Variants in ACP3 observed in about 807,000 individuals in gnomAD.
The protein encoded by ACP3 is prostatic acid phosphatase.
Under a neutral mutation model 45.6 loss-of-function variants are expected in ACP3, and 38 were observed. That is an observed-to-expected ratio of 0.83 (90% CI 0.64 to 1.09). ACP3 has a LOEUF of 1.09. Ranked by LOEUF, ACP3 falls within the 50% of genes least tolerant of loss-of-function variation. ACP3 has a pLI of 0.00. For missense variants in ACP3, 466 were observed against 463.2 expected (o/e 1.01, Z -0.05); for synonymous variants, 162 against 164.7 (o/e 0.98, Z 0.13).
At chr3:132,337,063 G>T (rs988464530) in intron 4 of ACP3, among the ~76,000 whole-genome samples, 8 of 144,996 alleles carry the variant, frequency 5.5e-5, no homozygotes, top group African/African-American at 1.0e-4. Flanking sequence ...CATGCGTTGG[G>T]GTGTGTGTGT....
intron 7 of ACP3, among the ~76,000 whole-genome samples, chr3:132,348,241 G>A (rs1000006397): frequency 6.6e-6 from 1 of 152,136 alleles, no homozygotes; most frequent in Non-Finnish European, 1.5e-5. Context: ...AGTTTACGAA[G>A]ATTTAATAAA....
At chr3:132,340,682 G>A (rs1245014828) in intron 5 of ACP3, among the ~76,000 whole-genome samples, 1 of 151,952 alleles carries the variant, frequency 6.6e-6, no homozygotes, top group Non-Finnish European at 1.5e-5. Flanking sequence ...ACTTATTGAA[G>A]CTATTATATA....
At chr3:132,345,398 A>T (rs986303381) in intron 7 of ACP3, among the ~76,000 whole-genome samples, 2 of 152,324 alleles carry the variant, frequency 1.3e-5, no homozygotes, top group Admixed American at 1.3e-4. Flanking sequence ...GATCCTTTCC[A>T]TCCCCTCCAG....
chr3:132,331,217 C>T (rs1367380401), intron 2 of ACP3, among the ~76,000 whole-genome samples: 1 of 152,158 alleles, frequency 6.6e-6, no homozygotes, highest in East Asian at 1.9e-4. Flanking sequence ...AAGCATTGCC[C>T]ACAGAGGTTG....
At chr3:132,330,125 GC>G (rs1189236580) in intron 2 of ACP3, among the ~76,000 whole-genome samples, 3 of 151,892 alleles carry the variant, frequency 2.0e-5, no homozygotes, top group Non-Finnish European at 2.9e-5. Flanking sequence ...TCGCCATGTT[GC>G]CAAGGCTGGT....
chr3:132,333,964 A>G (rs73001165), intron 4 of ACP3, among the ~76,000 whole-genome samples: 9,361 of 152,152 alleles, frequency 0.062, 907 homozygotes, highest in African/African-American at 0.21. Flanking sequence ...CCAGCTACTC[A>G]GGAGGCTGAG....
intron 9 of ACP3, among the ~76,000 whole-genome samples, chr3:132,355,732 G>T (rs1487113065): frequency 6.6e-6 from 1 of 152,106 alleles, no homozygotes; most frequent in Admixed American, 6.6e-5. Context: ...TAGCCAGGAT[G>T]GTCTCGATCT....
chr3:132,330,179 C>G (rs900860708), intron 2 of ACP3, among the ~76,000 whole-genome samples: 2 of 152,032 alleles, frequency 1.3e-5, no homozygotes, highest in Non-Finnish European at 2.9e-5. Context: ...CTTGGCCTCC[C>G]AAAGTGCTAG....
chr3:132,335,986 C>T (rs570466193), intron 4 of ACP3, among the ~76,000 whole-genome samples: 21 of 152,154 alleles, frequency 1.4e-4, no homozygotes, highest in South Asian at 2.1e-4. Flanking sequence ...ATAGGCCGGG[C>T]GCGGTGGCTC....
intron 1 of ACP3, among the ~76,000 whole-genome samples, chr3:132,324,079 G>A (rs1332736365): frequency 1.3e-5 from 2 of 152,090 alleles, no homozygotes; most frequent in African/African-American, 2.4e-5. Flanking sequence ...TTAGCCAGGC[G>A]TGGTGGCAGG....
intron 1 of ACP3, among the ~76,000 whole-genome samples, chr3:132,320,028 T>C (rs1937176978): frequency 1.5e-5 from 2 of 136,804 alleles, no homozygotes; most frequent in African/African-American, 4.9e-5. Flanking sequence ...GACAAGTTGT[T>C]AACAGGTGTA....
chr3:132,344,302 C>T (rs1937583874), intron 6 of ACP3, among the ~76,000 whole-genome samples: 1 of 148,330 alleles, frequency 6.7e-6, no homozygotes. Flanking sequence ...AAAAAAGTGC[C>T]ACGTGTGGTG....
intron 7 of ACP3, among the ~76,000 whole-genome samples, chr3:132,347,014 A>G (rs1937617647): frequency 6.6e-6 from 1 of 152,196 alleles, no homozygotes; most frequent in African/African-American, 2.4e-5. Flanking sequence ...CACTTTCCTC[A>G]TGTTTCCTCT....
chr3:132,347,844 T>TACACACACACACACACACACACAC (rs112045628), intron 7 of ACP3, among the ~76,000 whole-genome samples: 89 of 145,000 alleles, frequency 6.1e-4, no homozygotes, highest in African/African-American at 2.0e-3. Flanking sequence ...CACACACACA[T>TACACACACACACACACACACACAC]ACACACACAC....
chr3:132,365,323 A>G (rs1938112258), intron 10 of ACP3, among the ~76,000 whole-genome samples: 1 of 152,254 alleles, frequency 6.6e-6, no homozygotes, highest in African/African-American at 2.4e-5. Flanking sequence ...GAAGGAGGAT[A>G]TACAAGATGC....
At chr3:132,352,660 G>T (rs1296643808) in intron 8 of ACP3, 60 bp from the exon 9 acceptor site, 4 of 1,149,180 alleles carry the variant, frequency 3.5e-6, no homozygotes, top group East Asian at 4.7e-5. Flanking sequence ...CTGTACAAGT[G>T]CTTCATACCT....
At chr3:132,352,476 G>T (rs1366599062) in intron 8 of ACP3, among the ~76,000 whole-genome samples, 1 of 151,938 alleles carries the variant, frequency 6.6e-6, no homozygotes, top group African/African-American at 2.4e-5. Context: ...GGGATTACAG[G>T]CATGAGCTAC....
chr3:132,359,266 A>G (rs1204871324), downstream of ACP3, among the ~76,000 whole-genome samples: 3 of 152,152 alleles, frequency 2.0e-5, no homozygotes, highest in Non-Finnish European at 2.9e-5. Context: ...TAATCCCAGC[A>G]CTTTGGGAGG....
chr3:132,357,121 G>A lies in ACP3; in HGVS notation c.*243G>A, dbSNP rs1379534128. 8.2e-7 allele frequency: 1 copy of A among 1,215,422 alleles called. No individual in the cohort carries two copies. The highest frequency in any genetic ancestry group is 1.5e-5 in the African/African-American group (1 of 64,652). 75.3% of individuals were successfully genotyped at this position (1,215,422 alleles called of 1,614,324 possible). ...AGCGTTAATGTAAAGGGGCAGCAGT[G>A]CCAAAATATAATCAGAGATAAAGCT... On this transcript the variant is annotated 3_prime_UTR_variant, in exon 10 of 10. Coordinates refer to ENST00000336375, the MANE Select transcript of ACP3 (RefSeq NM_001099.5).
Sources: allele counts gnomAD v4.1 joint callset (sites outside exome capture counted in the v4.1 genomes callset), GRCh38; gene constraint gnomAD v4.1.1; transcripts MANE v1.5; gene names NCBI Gene and HGNC (gene_info 2026-07-23, HGNC 2026-07-21).